AFAP1: variants seen among roughly 807,000 people sequenced by gnomAD.
AFAP1 encodes the protein actin filament associated protein 1, also known as actin filament-associated protein 1.
A neutral mutation model predicts 93.9 loss-of-function variants in AFAP1; 75 were observed. The observed-to-expected ratio is 0.80, with a 90% confidence interval of 0.66 to 0.97. AFAP1 has a LOEUF of 0.97. AFAP1 is among the 50% of genes least tolerant of loss of function. The pLI is 0.00. For synonymous variants in AFAP1, 517 were observed against 430.7 expected (o/e 1.20, Z -2.48); for missense variants, 1,201 against 1,050.8 (o/e 1.14, Z -1.98).
chr4:7,928,190 A>T (rs1720873857), intron 1 of AFAP1, among the ~76,000 whole-genome samples: 1 of 152,134 alleles, frequency 6.6e-6, no homozygotes, highest in Non-Finnish European at 1.5e-5. Context: ...ACCCCACTCC[A>T]GCACAGCCAC....
At chr4:7,770,761 G>A (rs1715316314) in intron 16 of AFAP1, among the ~76,000 whole-genome samples, 1 of 152,170 alleles carries the variant, frequency 6.6e-6, no homozygotes, top group Non-Finnish European at 1.5e-5. Flanking sequence ...AGAACCAGAG[G>A]ACGGGGGCGG....
intron 1 of AFAP1, among the ~76,000 whole-genome samples, chr4:7,873,398 G>A (rs944291058): frequency 8.7e-6 from 1 of 114,364 alleles, no homozygotes; most frequent in East Asian, 3.1e-4. Flanking sequence ...GCCCAGGCTG[G>A]AGTGCAGTGG....
intron 4 of AFAP1, among the ~76,000 whole-genome samples, chr4:7,854,981 T>C (rs536429780): frequency 2.9e-4 from 44 of 152,272 alleles, no homozygotes; most frequent in African/African-American, 1.0e-3. Context: ...AAAAATCATC[T>C]AATAGAACCT....
chr4:7,819,383 A>G (rs970240028), intron 6 of AFAP1, among the ~76,000 whole-genome samples: 8 of 152,234 alleles, frequency 5.3e-5, no homozygotes, highest in Admixed American at 2.6e-4. Flanking sequence ...GTACTAACAT[A>G]GGGCATGGAA....
At chr4:7,932,980 A>G (rs1422823426) in intron 1 of AFAP1, among the ~76,000 whole-genome samples, 2 of 128,358 alleles carry the variant, frequency 1.6e-5, no homozygotes, top group African/African-American at 6.0e-5. Flanking sequence ...AGATCGCGCC[A>G]CTGCACTCCA....
intron 1 of AFAP1, among the ~76,000 whole-genome samples, chr4:7,879,161 G>T (rs911823293): frequency 1.3e-5 from 2 of 152,126 alleles, no homozygotes; most frequent in African/African-American, 2.4e-5. Context: ...TGAAGCAAGG[G>T]CCCAGCCCAC....
At chr4:7,889,093 T>C (rs1382525646) in intron 1 of AFAP1, among the ~76,000 whole-genome samples, 3 of 152,132 alleles carry the variant, frequency 2.0e-5, no homozygotes, top group African/African-American at 7.2e-5. Context: ...TGCCTGCCAT[T>C]AACAAAATTT....
intron 1 of AFAP1, among the ~76,000 whole-genome samples, chr4:7,907,775 C>T (rs1162085507): frequency 1.3e-5 from 2 of 152,156 alleles, no homozygotes; most frequent in Admixed American, 6.5e-5. Context: ...TGGTTCCAAG[C>T]AGTTTAGATA....
At chr4:7,847,798 T>G (rs28569344) in intron 4 of AFAP1, among the ~76,000 whole-genome samples, 106,660 of 139,804 alleles carry the variant, frequency 0.76, 42,047 homozygotes, top group East Asian at 0.93. Context: ...GTACTCGGGG[T>G]GGGGCATTGA....
intron 1 of AFAP1, among the ~76,000 whole-genome samples, chr4:7,886,785 G>C (rs573571885): frequency 6.6e-6 from 1 of 152,316 alleles, no homozygotes; most frequent in Non-Finnish European, 1.5e-5. Context: ...ACCTCCTGAT[G>C]CCTAGGCTGG....
Position 7,809,766 on chromosome 4 carries a change from G to A in AFAP1, c.905-3C>T, listed in dbSNP as rs1210308180. The A allele has an allele frequency of 1.9e-6, 3 of 1,609,826 alleles. No homozygotes were observed. Among genetic ancestry groups the A allele is most frequent in the East Asian group, 4.5e-5 (2 of 44,838 alleles). On this transcript the variant is annotated splice_polypyrimidine_tract_variant and splice_region_variant and intron_variant, in intron 8 of 17. Transcript: ENST00000420658. The stretch of plus-strand genomic sequence containing the variant: ...TTTGGAACTTTTCTTCCTCTTCACT[G>A]TCAAGAGTAACAACAGCAAAAAAGC...
intron 1 of AFAP1, among the ~76,000 whole-genome samples, chr4:7,888,965 A>AC (rs1291257008): frequency 6.6e-6 from 1 of 151,618 alleles, no homozygotes. Flanking sequence ...TAATGTTTGT[A>AC]TTTTTTAGTA....
chr4:7,876,555 G>A (rs1192568561), intron 1 of AFAP1, among the ~76,000 whole-genome samples: 3 of 152,162 alleles, frequency 2.0e-5, no homozygotes, highest in African/African-American at 7.2e-5. Flanking sequence ...ACTGGAGGAC[G>A]AACACACAGA....
chr4:7,821,832 A>G (rs1346159971), intron 6 of AFAP1, among the ~76,000 whole-genome samples: 1 of 152,178 alleles, frequency 6.6e-6, no homozygotes, highest in Admixed American at 6.5e-5. Flanking sequence ...GTTTCCAGCC[A>G]TTTTGCTCCT....
rs1200665798 is a variant in AFAP1 at position 7,768,866 on chromosome 4, C to T, written c.2396G>A (p.Gly799Glu). 21 of 1,605,568 alleles carry T rather than the reference C, an allele frequency of 1.3e-5. No homozygotes were observed. The highest frequency in any genetic ancestry group is 6.7e-5 in the African/African-American group (5 of 74,740). Residue 799 changes from glycine to glutamate, a missense_variant, in exon 17 of 18, where the codon GGG becomes GAG. Gly to Glu is a moderately conservative substitution (Grantham distance 98, BLOSUM62 -2). Coordinates refer to ENST00000420658, the MANE Select transcript of AFAP1 (RefSeq NM_001134647.2). ...TACCTTGGCCTTCCGCAGCACATGC[C>T]CTCGGCAGGGGGAGCTGCCCGGGGC... ...QAAPGSSPCR[G>E]HVLRKAKEWE...
At chr4:7,912,466 T>C (rs1230864400) in intron 1 of AFAP1, among the ~76,000 whole-genome samples, 1 of 152,178 alleles carries the variant, frequency 6.6e-6, no homozygotes, top group East Asian at 1.9e-4. Context: ...CAGCATTTGG[T>C]TTTGTTATTA....
At chr4:7,808,864 C>T (rs1719760327) in intron 9 of AFAP1, among the ~76,000 whole-genome samples, 1 of 152,140 alleles carries the variant, frequency 6.6e-6, no homozygotes, top group African/African-American at 2.4e-5. Flanking sequence ...CCAGCTCCCC[C>T]TCTGCCCTTG....
chr4:7,872,336 A>G (rs75661638), intron 1 of AFAP1: 6 of 398,966 alleles, frequency 1.5e-5, no homozygotes, highest in Non-Finnish European at 2.7e-5. Flanking sequence ...CAGGCTGCCA[A>G]CAGATGGTGT....
intron 17 of AFAP1, among the ~76,000 whole-genome samples, chr4:7,765,119 C>CAATG (rs1392804922): frequency 6.6e-6 from 1 of 152,072 alleles, no homozygotes; most frequent in Non-Finnish European, 1.5e-5. Context: ...ATCAATCAAT[C>CAATG]GCTAAGGAGA....
Sources: gnomAD v4.1 joint callset for allele counts (sites outside exome capture counted in the v4.1 genomes callset) on GRCh38, gnomAD v4.1.1 for gene constraint, MANE v1.5 for transcripts, NCBI Gene and HGNC (gene_info 2026-07-23, HGNC 2026-07-21) for gene names.